The following FSTL4 variants were observed in gnomAD, a reference collection of about 807,000 sequenced individuals.
FSTL4 encodes follistatin like 4.
A neutral mutation model predicts 78.2 loss-of-function variants in FSTL4; 28 were observed. That is an observed-to-expected ratio of 0.36 (90% confidence interval 0.27 to 0.49). The LOEUF (loss-of-function observed/expected upper bound fraction) is 0.49, where lower values mean the gene tolerates loss of function less well. FSTL4 is among the 20% of genes least tolerant of loss of function. The pLI is 0.98. For synonymous variants in FSTL4, 422 were observed against 440.5 expected (o/e 0.96, Z 0.53); for missense variants, 922 against 1,084.9 (o/e 0.85, Z 2.11).
At chr5:133,274,742 G>A (rs1227468045) in intron 6 of FSTL4, among the ~76,000 whole-genome samples, 3 of 152,262 alleles carry the variant, frequency 2.0e-5, no homozygotes, top group East Asian at 3.9e-4. Flanking sequence ...TTACACACAT[G>A]AGGTGGCCTC....
At chr5:133,621,747 T>C in the FSTL4 span, among the ~76,000 whole-genome samples, 2 of 151,818 alleles carry the variant, frequency 1.3e-5, no homozygotes, top group South Asian at 4.2e-4. Flanking sequence ...CAACAACTTA[T>C]GGAAAAATAA....
chr5:133,810,034 G>T, the FSTL4 span, among the ~76,000 whole-genome samples: 208 of 152,352 alleles, frequency 1.4e-3, no homozygotes, highest in African/African-American at 4.7e-3. Flanking sequence ...CTGATAGGCG[G>T]GACAGGTGCT....
chr5:133,508,797 C>T (rs457886), intron 3 of FSTL4, among the ~76,000 whole-genome samples: 19,267 of 152,194 alleles, frequency 0.13, 1,291 homozygotes, highest in Non-Finnish European at 0.15. Flanking sequence ...CTGTTTAATG[C>T]AAACTGCTAG....
chr5:133,288,631 T>G (rs1035560361), intron 6 of FSTL4, among the ~76,000 whole-genome samples: 1 of 152,250 alleles, frequency 6.6e-6, no homozygotes, highest in African/African-American at 2.4e-5. Flanking sequence ...AAAGAGCCTC[T>G]GCCTGAGCCC....
At chr5:133,786,714 G>C in the FSTL4 span, among the ~76,000 whole-genome samples, 1 of 152,134 alleles carries the variant, frequency 6.6e-6, no homozygotes, top group East Asian at 1.9e-4. Flanking sequence ...GGACTTCCTA[G>C]GGTCAACTAC....
chr5:133,639,096 G>A, the FSTL4 span, among the ~76,000 whole-genome samples: 1 of 152,068 alleles, frequency 6.6e-6, no homozygotes, highest in Non-Finnish European at 1.5e-5. Flanking sequence ...AGCCCCATAT[G>A]CATTCGGTAT....
At chr5:133,619,334 A>G in the FSTL4 span, among the ~76,000 whole-genome samples, 1 of 152,174 alleles carries the variant, frequency 6.6e-6, no homozygotes, top group Non-Finnish European at 1.5e-5. Flanking sequence ...CAAATAACCC[A>G]TTCTAAAGCT....
At chr5:133,456,825 G>C (rs1454546660) in intron 3 of FSTL4, among the ~76,000 whole-genome samples, 3 of 152,188 alleles carry the variant, frequency 2.0e-5, no homozygotes, top group Admixed American at 2.0e-4. Flanking sequence ...GACATGAATG[G>C]TTCTGAGTTG....
In FSTL4 at chr5:133,197,959, G is replaced by C. The variant is rs1354890306; in HGVS notation, c.*1136C>G. The C allele has an allele frequency of 6.5e-6, 1 of 152,786 alleles. No homozygotes were observed. The highest frequency in any genetic ancestry group is 1.5e-5 in the Non-Finnish European group (1 of 68,196). The allele number at this position is 152,786 out of a possible 1,614,324, so 9.5% of individuals were successfully genotyped here. A position where few individuals can be genotyped will look rare whatever the true frequency, so the allele number is the denominator to read the frequency against. On this transcript the variant is annotated 3_prime_UTR_variant, in exon 16 of 16. Coordinates refer to ENST00000265342, the MANE Select transcript of FSTL4 (RefSeq NM_015082.2). ...TGTGTGTATTGATTGGGGAATGTGG[G>C]TAAGAAAACCCTCGCCGAAATGTGT...
chr5:133,225,804 C>G lies in FSTL4; in HGVS notation c.1031G>C (p.Arg344Pro). 6.3e-7 allele frequency: 1 copy of G among 1,586,312 alleles called. No individual in the cohort carries two copies. The highest frequency in any genetic ancestry group is 8.6e-7 in the Non-Finnish European group (1 of 1,166,962). ...CTGTGCCTGGCTCTCTGGATAGACA[C>G]GGATGACTGGCGGCACTGTGGGTGA... ...VLQVNVPPVI[R>P]VYPESQAQEP... The change falls in exon 9 of 16, where the codon CGT becomes CCT. Residue 344 changes from arginine to proline, a missense_variant. Coordinates refer to ENST00000265342, the MANE Select transcript of FSTL4 (RefSeq NM_015082.2). This position sits in a 1 kb window ranked among gnomAD's most constrained non-coding sequence, Gnocchi z 4.6.
chr5:133,653,163 G>A, the FSTL4 span, among the ~76,000 whole-genome samples: 12 of 152,160 alleles, frequency 7.9e-5, no homozygotes, highest in Non-Finnish European at 1.3e-4. Flanking sequence ...AATGCTAGAA[G>A]GAAGGGCCTT....
chr5:133,417,846 C>T (rs78171967), intron 3 of FSTL4, among the ~76,000 whole-genome samples: 27,187 of 150,942 alleles, frequency 0.18, 2,472 homozygotes, highest in Non-Finnish European at 0.21. Flanking sequence ...GTAATCCCAG[C>T]TACTAGGGTG....
intron 6 of FSTL4, among the ~76,000 whole-genome samples, chr5:133,294,506 T>C (rs771446569): frequency 3.3e-5 from 5 of 152,344 alleles, no homozygotes; most frequent in Non-Finnish European, 7.3e-5. Context: ...GACTCTGGGT[T>C]ATGCCCCACC....
At chr5:133,430,900 A>C (rs1312561350) in intron 3 of FSTL4, among the ~76,000 whole-genome samples, 2 of 152,218 alleles carry the variant, frequency 1.3e-5, no homozygotes, top group African/African-American at 2.4e-5. Context: ...CACCTTATAC[A>C]AACAAGAATT....
At chr5:133,486,399 G>C (rs1301703604) in intron 3 of FSTL4, among the ~76,000 whole-genome samples, 1 of 150,436 alleles carries the variant, frequency 6.6e-6, no homozygotes, top group African/African-American at 2.4e-5. Flanking sequence ...GAAAGAAAGA[G>C]AGACGGCAGA....
At chr5:133,577,245 G>A (rs1023303553) in intron 2 of FSTL4, among the ~76,000 whole-genome samples, 2 of 152,180 alleles carry the variant, frequency 1.3e-5, no homozygotes, top group African/African-American at 4.8e-5. Flanking sequence ...GGATATTCTG[G>A]GGGAGGGTCT....
At chr5:133,801,861 T>C in the FSTL4 span, among the ~76,000 whole-genome samples, 1 of 152,194 alleles carries the variant, frequency 6.6e-6, no homozygotes, top group Admixed American at 6.5e-5. Flanking sequence ...CCTCAGTCAT[T>C]GCCCCTTCCA....
the FSTL4 span, among the ~76,000 whole-genome samples, chr5:133,841,142 A>G: frequency 6.6e-6 from 1 of 152,226 alleles, no homozygotes; most frequent in Admixed American, 6.5e-5. Flanking sequence ...ACTATGGAAG[A>G]AGGAGGCAAT....
intron 3 of FSTL4, among the ~76,000 whole-genome samples, chr5:133,463,545 C>G (rs1266388343): frequency 6.6e-6 from 1 of 152,240 alleles, no homozygotes; most frequent in Non-Finnish European, 1.5e-5. Context: ...TGTTTCTTCT[C>G]TGGGGTGCAA....
Sources: gnomAD v4.1 joint callset for allele counts (sites outside exome capture counted in the v4.1 genomes callset) on GRCh38, gnomAD v4.1.1 for gene constraint, Gnocchi (gnomAD v3.1) non-coding constraint, MANE v1.5 for transcripts, NCBI Gene and HGNC (gene_info 2026-07-23, HGNC 2026-07-21) for gene names.